MEGF11: variants seen among roughly 807,000 people sequenced by gnomAD.
MEGF11 encodes multiple epidermal growth factor-like domains protein 11.
In MEGF11, 126 loss-of-function variants were observed where a neutral mutation model predicts 146.6. The observed-to-expected ratio is 0.86, with a 90% CI of 0.74 to 1.00. The LOEUF (loss-of-function observed/expected upper bound fraction) is 1.00. Ranked by LOEUF, MEGF11 falls within the 50% of genes least tolerant of loss-of-function variation. MEGF11 has a pLI of 0.00. For missense variants in MEGF11, 1,509 were observed against 1,521.2 expected (o/e 0.99, Z 0.13); for synonymous variants, 532 against 583.4 (o/e 0.91, Z 1.27).
intron 1 of MEGF11, among the ~76,000 whole-genome samples, chr15:66,199,849 A>C (rs2091106672): frequency 6.6e-6 from 1 of 152,206 alleles, no homozygotes; most frequent in Non-Finnish European, 1.5e-5. Context: ...AGTCCCTTGA[A>C]ATATTACATA....
intron 5 of MEGF11, among the ~76,000 whole-genome samples, chr15:65,985,627 T>A (rs2081829447): frequency 6.6e-6 from 1 of 152,154 alleles, no homozygotes; most frequent in Non-Finnish European, 1.5e-5. Flanking sequence ...ACTAGCCGCC[T>A]GATAAGGAAG....
intron 10 of MEGF11, among the ~76,000 whole-genome samples, chr15:65,946,762 G>A (rs79228838): frequency 0.075 from 11,491 of 152,250 alleles, 429 homozygotes; most frequent in Middle Eastern, 0.11. Flanking sequence ...ATACAGTACT[G>A]TTTTGTCACA....
At chr15:66,240,298 A>G (rs1177283917) in intron 1 of MEGF11, among the ~76,000 whole-genome samples, 1 of 152,170 alleles carries the variant, frequency 6.6e-6, no homozygotes, top group African/African-American at 2.4e-5. Flanking sequence ...TGGGGGCTGA[A>G]TTTTCGGAGA....
intron 5 of MEGF11, among the ~76,000 whole-genome samples, chr15:66,049,766 C>T (rs2084375987): frequency 6.6e-6 from 1 of 152,192 alleles, no homozygotes; most frequent in Non-Finnish European, 1.5e-5. Context: ...GAGCTTCACT[C>T]CCTCAGGATC....
At chr15:65,994,065 G>C (rs2082131872) in intron 5 of MEGF11, among the ~76,000 whole-genome samples, 1 of 152,226 alleles carries the variant, frequency 6.6e-6, no homozygotes. Context: ...CAGAGCTGCT[G>C]TGTTTTCGAC....
At chr15:66,138,311 A>G (rs2088986643) in intron 1 of MEGF11, among the ~76,000 whole-genome samples, 1 of 152,166 alleles carries the variant, frequency 6.6e-6, no homozygotes, top group Non-Finnish European at 1.5e-5. Flanking sequence ...CTGCGGTGAG[A>G]CTGCTATCAC....
intron 1 of MEGF11, among the ~76,000 whole-genome samples, chr15:66,223,663 C>A (rs1281623674): frequency 6.6e-6 from 1 of 152,118 alleles, no homozygotes; most frequent in African/African-American, 2.4e-5. Context: ...GCAGAGGCTG[C>A]AGTGAGCTGA....
intron 1 of MEGF11, among the ~76,000 whole-genome samples, chr15:66,200,346 A>G (rs546556411): frequency 2.0e-4 from 31 of 152,356 alleles, no homozygotes; most frequent in African/African-American, 7.0e-4. Flanking sequence ...TGGTTTTCTT[A>G]TGAGAGCTTG....
At chr15:66,130,404 A>G (rs2088589793) in intron 1 of MEGF11, among the ~76,000 whole-genome samples, 1 of 152,080 alleles carries the variant, frequency 6.6e-6, no homozygotes, top group Non-Finnish European at 1.5e-5. Context: ...GGCCACTCCT[A>G]TAATCTCCAG....
intron 5 of MEGF11, among the ~76,000 whole-genome samples, chr15:66,059,629 G>C (rs1391415948): frequency 6.6e-6 from 1 of 151,912 alleles, no homozygotes; most frequent in Non-Finnish European, 1.5e-5. Context: ...GTTGCCCCAG[G>C]TTCTTAAATT....
chr15:65,970,690 C>T lies in MEGF11; in HGVS notation c.763-1G>A, dbSNP rs201824391. 9.9e-6 allele frequency: 16 copies of T among 1,608,620 alleles called. No individual in the cohort carries two copies. The highest frequency in any genetic ancestry group is 1.4e-5 in the Non-Finnish European group (16 of 1,177,454). ...GGCAGGGCTGGGCACACACTGCTCC[C>T]TAAAAGAAAGGTGGGAAGACATGCA... On this transcript the variant is annotated splice_acceptor_variant, in intron 7 of 25. Coordinates refer to ENST00000395614, the MANE Select transcript of MEGF11 (RefSeq NM_001385028.1). LOFTEE classifies it high-confidence loss of function.
chr15:65,900,037 C>CA (rs1172337859), intron 24 of MEGF11, among the ~76,000 whole-genome samples: 1 of 152,180 alleles, frequency 6.6e-6, no homozygotes, highest in Non-Finnish European at 1.5e-5. Flanking sequence ...CTGACTCCTG[C>CA]AGATAGTCCC....
In MEGF11 at chr15:66,190,013, G is replaced by A. The variant is rs184001933; in HGVS notation, c.-8-61602C>T. On this transcript the variant is annotated intron_variant, in intron 1 of 25. Transcript: ENST00000395614. ...TAAATTGTATAAAGCCCAGTGACCT[G>A]TCAAGCCAGTAGTTCTCAAATGGGC... Among the ~76,000 whole-genome samples the A allele has an allele frequency of 1.4e-4, 22 of 152,238 alleles. No individual in the cohort carries two copies. In the East Asian group the frequency reaches 3.9e-3, roughly 27 times the overall value.
chr15:65,914,732 AT>A (rs2078934228), intron 19 of MEGF11, among the ~76,000 whole-genome samples: 7 of 152,140 alleles, frequency 4.6e-5, no homozygotes, highest in Admixed American at 4.6e-4. Flanking sequence ...GTTCTCAGTG[AT>A]TTATCCTCAG....
Position 65,982,231 on chromosome 15 carries a change from G to GC in MEGF11, c.641+10dup. ...AGGTCCCGCCCCTCCAGGTCCTGCC[G>GC]CATGACTCACTAGACGCCGGTGTAG... On this transcript the variant is annotated intron_variant, in intron 6 of 25. Coordinates refer to ENST00000395614, the MANE Select transcript of MEGF11 (RefSeq NM_001385028.1). The surrounding 1 kb of genome is among the most constrained non-coding windows in gnomAD (Gnocchi z 5.6). The GC allele has an allele frequency of 7.8e-7, 1 of 1,284,092 alleles. No individual in the cohort carries two copies. The highest frequency in any genetic ancestry group is 1.0e-6 in the Non-Finnish European group (1 of 986,442). The allele number at this position is 1,284,092 out of a possible 1,614,324, so 79.5% of individuals were successfully genotyped here.
At chr15:66,172,919 CTT>C (rs2090299102) in intron 1 of MEGF11, among the ~76,000 whole-genome samples, 1 of 152,222 alleles carries the variant, frequency 6.6e-6, no homozygotes, top group South Asian at 2.1e-4. Context: ...ACCAGCCTGA[CTT>C]TTCCGCGTCC....
At chr15:66,024,454 A>G (rs568673994) in intron 5 of MEGF11, among the ~76,000 whole-genome samples, 1 of 152,372 alleles carries the variant, frequency 6.6e-6, no homozygotes, top group South Asian at 2.1e-4. Context: ...ACAGCTGGCC[A>G]GAGGCACTTC....
chr15:66,188,913 T>A (rs533872464), intron 1 of MEGF11, among the ~76,000 whole-genome samples: 1 of 152,336 alleles, frequency 6.6e-6, no homozygotes, highest in South Asian at 2.1e-4. Context: ...GCCTTTCAGA[T>A]GCTTCCCAGT....
chr15:65,922,317 C>T (rs376779013), intron 15 of MEGF11, 21 bp downstream of exon 15: 2 of 1,604,690 alleles, frequency 1.2e-6, no homozygotes, highest in African/African-American at 1.3e-5. Context: ...CCACCCAGTA[C>T]CTTCCCACTG....
Sources: gnomAD v4.1 joint callset for allele counts (sites outside exome capture counted in the v4.1 genomes callset) on GRCh38, gnomAD v4.1.1 for gene constraint, Gnocchi (gnomAD v3.1) non-coding constraint, MANE v1.5 for transcripts, NCBI Gene and HGNC (gene_info 2026-07-23, HGNC 2026-07-21) for gene names.